EIF3H: variants seen among roughly 807,000 people sequenced by gnomAD.
EIF3H encodes eIF-3-gamma.
In EIF3H, 26 loss-of-function variants were observed where a neutral mutation model predicts 44.2. The ratio of observed to expected loss-of-function variants is 0.59; its 90% CI spans 0.43 to 0.82. The LOEUF (loss-of-function observed/expected upper bound fraction) is 0.82, where lower values mean the gene tolerates loss of function less well. Ranked by LOEUF, EIF3H falls within the 40% of genes least tolerant of loss-of-function variation. The pLI is 0.00. For synonymous variants in EIF3H, 166 were observed against 151.9 expected, an observed-to-expected ratio of 1.09 and a Z score of -0.68; for missense variants, 359 against 432.8, an observed-to-expected ratio of 0.83 and a Z score of 1.51.
chr8:116,724,176 C>T (rs142163074), intron 2 of EIF3H, among the ~76,000 whole-genome samples: 7 of 152,240 alleles, frequency 4.6e-5, no homozygotes, highest in Non-Finnish European at 1.0e-4. Context: ...TGATCTTTAA[C>T]GAGGGTGCCA....
intron 2 of EIF3H, among the ~76,000 whole-genome samples, chr8:116,694,909 T>C (rs764871640): frequency 6.6e-6 from 1 of 152,142 alleles, no homozygotes; most frequent in Non-Finnish European, 1.5e-5. Flanking sequence ...TATAGCTGTA[T>C]TCCAACATAG....
At chr8:116,716,521 G>A (rs1225709831) in intron 2 of EIF3H, among the ~76,000 whole-genome samples, 2 of 151,950 alleles carry the variant, frequency 1.3e-5, no homozygotes, top group African/African-American at 2.4e-5. Context: ...AACAAATATC[G>A]CACAAAAAAT....
rs1813509017 is a variant in EIF3H, at chr8:116,657,405, G to A, written c.458-91C>T. 11 of 905,992 alleles carry A rather than the reference G, an allele frequency of 1.2e-5. 1 individual carries two copies. Among genetic ancestry groups the A allele is most frequent in the South Asian group, 1.0e-4 (7 of 68,124 alleles). 56.1% of individuals were successfully genotyped at this position (905,992 alleles called of 1,614,324 possible). On this transcript the variant is annotated intron_variant, in intron 3 of 7. Coordinates refer to ENST00000521861, the MANE Select transcript of EIF3H (RefSeq NM_003756.3). ...TTCTAGGCACATTCTGTTACATATC[G>A]CACAATCTTTGCAAAATAAAGATCA... is the stretch of plus-strand genomic sequence containing the variant.
At chr8:116,694,518 C>T (rs560427044) in intron 2 of EIF3H, among the ~76,000 whole-genome samples, 1 of 152,098 alleles carries the variant, frequency 6.6e-6, no homozygotes, top group Non-Finnish European at 1.5e-5. Context: ...AGCCTTTTGC[C>T]AGTGCTAAAT....
Position 116,752,696 on chromosome 8 carries a change from GA to G in EIF3H, c.132+2969del, listed in dbSNP as rs577514871. 2.2e-3 allele frequency among the ~76,000 whole-genome samples: 276 copies of G among 124,782 alleles called. 7 individuals are homozygous for G. The highest frequency in any genetic ancestry group is 7.6e-3 in the African/African-American group (262 of 34,284). 81.9% of individuals were successfully genotyped at this position (124,782 alleles called of 152,430 possible). A position where few individuals can be genotyped will look rare whatever the true frequency, so the allele number is the denominator to read the frequency against. ...AGAAAGAAAGAAAGAAAGAAAGAAA[GA>G]AAGAAAGAAAGAAAGAAAGAAAGAA... is the stretch of plus-strand genomic sequence containing the variant. On this transcript the variant is annotated intron_variant, in intron 1 of 7. Coordinates refer to ENST00000521861, the MANE Select transcript of EIF3H (RefSeq NM_003756.3).
intron 1 of EIF3H, among the ~76,000 whole-genome samples, chr8:116,739,258 C>T (rs1420274888): frequency 6.6e-6 from 1 of 152,230 alleles, no homozygotes; most frequent in Non-Finnish European, 1.5e-5. Context: ...TAGCCAGACC[C>T]ATCCCTTTAT....
chr8:116,716,580 T>C (rs1233954292), intron 2 of EIF3H, among the ~76,000 whole-genome samples: 3 of 152,080 alleles, frequency 2.0e-5, no homozygotes, highest in Non-Finnish European at 4.4e-5. Flanking sequence ...TCTTTAACTT[T>C]ACAGGAGAGG....
chr8:116,765,673 T>C (rs1045079220), exon 1 of EIF3H: 1 of 152,372 alleles, frequency 6.6e-6, no homozygotes, highest in South Asian at 2.1e-4. Flanking sequence ...TCAGAGACCA[T>C]GCACATAAAA....
upstream of EIF3H, among the ~76,000 whole-genome samples, chr8:116,758,003 T>C (rs993995133): frequency 8.5e-5 from 13 of 152,262 alleles, no homozygotes; most frequent in Non-Finnish European, 1.8e-4. Context: ...ATTATAGGCG[T>C]GAGCCACCGC....
rs554680846 is a variant in EIF3H, at chr8:116,745,577, G to A, written c.132+10089C>T. 1.2e-4 allele frequency among the ~76,000 whole-genome samples: 19 copies of A among 152,314 alleles called. 1 individual carries two copies. In the South Asian group the frequency reaches 3.9e-3, roughly 32 times the overall value. On this transcript the variant is annotated intron_variant, in intron 1 of 7. Transcript: ENST00000521861. The stretch of plus-strand genomic sequence containing the variant: ...TTCAATAAGGTGTCTGACCTTAACA[G>A]AAAGGACCAATGGCCCAGGATGTTT...
intron 2 of EIF3H, among the ~76,000 whole-genome samples, chr8:116,722,080 C>G (rs909458993): frequency 6.6e-6 from 1 of 152,156 alleles, no homozygotes; most frequent in Non-Finnish European, 1.5e-5. Flanking sequence ...CCACCCAAAT[C>G]TCATCTTGAA....
intron 2 of EIF3H, among the ~76,000 whole-genome samples, chr8:116,692,712 T>C (rs1292642864): frequency 6.6e-6 from 1 of 152,200 alleles, no homozygotes; most frequent in Non-Finnish European, 1.5e-5. Flanking sequence ...CACTCAGACA[T>C]TTATTTTAAA....
chr8:116,673,671 T>C (rs1174798798), intron 2 of EIF3H, among the ~76,000 whole-genome samples: 1 of 152,180 alleles, frequency 6.6e-6, no homozygotes, highest in East Asian at 1.9e-4. Flanking sequence ...TAATCTCGTC[T>C]CTAACTTCGA....
intron 2 of EIF3H, among the ~76,000 whole-genome samples, chr8:116,708,932 A>G (rs112942553): frequency 3.2e-4 from 48 of 151,958 alleles, no homozygotes; most frequent in African/African-American, 1.1e-3. Context: ...TCTAGTTCTA[A>G]GGTTTGCCTA....
At chr8:116,753,059 T>C (rs1815385340) in intron 1 of EIF3H, among the ~76,000 whole-genome samples, 1 of 152,128 alleles carries the variant, frequency 6.6e-6, no homozygotes, top group South Asian at 2.1e-4. Flanking sequence ...GAACATACCA[T>C]TTAAATGTTC....
intron 1 of EIF3H, chr8:116,734,220 C>T (rs944716355): frequency 6.6e-6 from 3 of 451,772 alleles, no homozygotes; most frequent in Non-Finnish European, 1.3e-5. Context: ...TTACAGATTG[C>T]GGAAATTGCT....
chr8:116,665,848 C>T (rs535350259), intron 2 of EIF3H, among the ~76,000 whole-genome samples: 2 of 152,296 alleles, frequency 1.3e-5, no homozygotes, highest in African/African-American at 4.8e-5. Context: ...TTCAAAGCTA[C>T]TAGCAGATGT....
chr8:116,658,758 C>CA (rs1813537349), intron 3 of EIF3H, 55 bp downstream of exon 3: 1 of 1,564,726 alleles, frequency 6.4e-7, no homozygotes, highest in Non-Finnish European at 8.6e-7. Context: ...GGACAGAAAG[C>CA]AAAAATAGTA....
intron 2 of EIF3H, among the ~76,000 whole-genome samples, chr8:116,711,189 T>C (rs1814567627): frequency 6.6e-6 from 1 of 152,146 alleles, no homozygotes; most frequent in Admixed American, 6.5e-5. Context: ...AGAGTCTCAC[T>C]GTCGGTCACA....
Sources: allele counts gnomAD v4.1 joint callset (sites outside exome capture counted in the v4.1 genomes callset), GRCh38; gene constraint gnomAD v4.1.1; transcripts MANE v1.5; gene names NCBI Gene and HGNC (gene_info 2026-07-23, HGNC 2026-07-21).